TMEM132D: variants seen among roughly 807,000 people sequenced by gnomAD.
TMEM132D encodes transmembrane protein 132D, also known as mature OL transmembrane protein.
A neutral mutation model predicts 62.3 loss-of-function variants in TMEM132D; 21 were observed. The observed-to-expected ratio is 0.34, with a 90% CI of 0.24 to 0.49. TMEM132D has a LOEUF of 0.49. Ranked by LOEUF, TMEM132D falls within the 20% of genes least tolerant of loss-of-function variation. The pLI is 0.99. For synonymous variants in TMEM132D, 621 were observed against 575.6 expected (o/e 1.08, Z -1.13); for missense variants, 1,346 against 1,402.8 (o/e 0.96, Z 0.65).
chr12:129,700,648 G>A lies in TMEM132D; in HGVS notation c.130C>T (p.Pro44Ser), dbSNP rs2137227924. The A allele has an allele frequency of 6.2e-7, 1 of 1,613,808 alleles. No individual in the cohort carries two copies. Among genetic ancestry groups the A allele is most frequent in the Non-Finnish European group, 8.5e-7 (1 of 1,179,980 alleles). ...TGGTAGGTCACGGGGAGGTAGGTGG[G>A]CAGCAAGGAAAACCTCTGGATGCTC... is the stretch of plus-strand genomic sequence containing the variant. Reference protein sequence around the residue: ...LESIQRFSLLPTYLPVTYHIN... With the variant: ...LESIQRFSLLSTYLPVTYHIN... Residue 44 changes from proline (P) to serine (S), a missense_variant, in exon 2 of 9, where the codon CCC becomes TCC. Pro to Ser is a moderately conservative substitution (Grantham distance 74, BLOSUM62 -1). Coordinates refer to ENST00000422113, the MANE Select transcript of TMEM132D (RefSeq NM_133448.3).
chr12:129,660,819 T>C (rs1880220039), intron 2 of TMEM132D, among the ~76,000 whole-genome samples: 1 of 152,058 alleles, frequency 6.6e-6, no homozygotes, highest in Non-Finnish European at 1.5e-5. Flanking sequence ...CCATGACAGA[T>C]AGTTTCTATC....
At chr12:129,376,827 TAAAGAA>T (rs1465669794) in intron 3 of TMEM132D, among the ~76,000 whole-genome samples, 2 of 152,196 alleles carry the variant, frequency 1.3e-5, no homozygotes, top group African/African-American at 4.8e-5. Context: ...AAACGTGTGT[TAAAGAA>T]AAACAGAACT....
intron 2 of TMEM132D, among the ~76,000 whole-genome samples, chr12:129,687,067 A>G (rs1228398310): frequency 6.6e-6 from 1 of 152,158 alleles, no homozygotes; most frequent in Non-Finnish European, 1.5e-5. Flanking sequence ...GTTTATCTCA[A>G]ATTCCTTGCA....
At chr12:129,899,568 G>A (rs1400778329) in intron 1 of TMEM132D, among the ~76,000 whole-genome samples, 6 of 151,998 alleles carry the variant, frequency 3.9e-5, no homozygotes, top group Non-Finnish European at 7.4e-5. Flanking sequence ...GTGGAAAGAC[G>A]GATAACACCT....
At chr12:129,080,617 T>A (rs1874416451) in intron 7 of TMEM132D, among the ~76,000 whole-genome samples, 1 of 152,180 alleles carries the variant, frequency 6.6e-6, no homozygotes, top group South Asian at 2.1e-4. Flanking sequence ...ACCTCACAGA[T>A]TGCCTGATAA....
chr12:129,877,163 A>C (rs1874438870), intron 1 of TMEM132D, among the ~76,000 whole-genome samples: 2 of 149,402 alleles, frequency 1.3e-5, no homozygotes, highest in African/African-American at 4.9e-5. Flanking sequence ...TTTAACTATG[A>C]ATATTATATT....
chr12:129,544,812 G>GT (rs1237396253), intron 2 of TMEM132D, among the ~76,000 whole-genome samples: 3 of 152,220 alleles, frequency 2.0e-5, no homozygotes, highest in African/African-American at 7.2e-5. Flanking sequence ...GAGATTAAAA[G>GT]TAACACTTAT....
At chr12:129,184,642 T>C (rs1432319540) in intron 5 of TMEM132D, among the ~76,000 whole-genome samples, 3 of 152,224 alleles carry the variant, frequency 2.0e-5, no homozygotes, top group Non-Finnish European at 2.9e-5. Context: ...TCAGGCACAA[T>C]CCACTCTCAG....
At chr12:129,664,624 A>C (rs575088928) in intron 2 of TMEM132D, among the ~76,000 whole-genome samples, 1 of 151,962 alleles carries the variant, frequency 6.6e-6, no homozygotes, top group East Asian at 1.9e-4. Flanking sequence ...ACGGGGTTTC[A>C]CCGTGTTAGC....
intron 5 of TMEM132D, among the ~76,000 whole-genome samples, chr12:129,207,770 A>AT: frequency 8.0e-6 from 1 of 125,434 alleles, no homozygotes; most frequent in African/African-American, 3.1e-5. Context: ...TTTTTTATAT[A>AT]AAAAAAGTAT....
chr12:129,657,811 T>C (rs677945), intron 2 of TMEM132D, among the ~76,000 whole-genome samples: 36,929 of 152,126 alleles, frequency 0.24, 4,925 homozygotes, highest in African/African-American at 0.34. Context: ...TGAGAATGTT[T>C]AATTTTCTGA....
intron 3 of TMEM132D, among the ~76,000 whole-genome samples, chr12:129,340,554 G>A (rs563984427): frequency 9.2e-5 from 14 of 151,696 alleles, no homozygotes; most frequent in African/African-American, 2.7e-4. Context: ...GAGAACATGC[G>A]GTGTTTGGTT....
chr12:129,200,997 C>A (rs977642391), intron 5 of TMEM132D, among the ~76,000 whole-genome samples: 4 of 152,272 alleles, frequency 2.6e-5, no homozygotes, highest in Non-Finnish European at 4.4e-5. Flanking sequence ...CTTTATACAC[C>A]TGATTTCCAC....
At chr12:129,535,110 G>A (rs1876343348) in intron 2 of TMEM132D, among the ~76,000 whole-genome samples, 1 of 152,232 alleles carries the variant, frequency 6.6e-6, no homozygotes, top group African/African-American at 2.4e-5. Flanking sequence ...GTCATTTGGG[G>A]ATCAAGGCTG....
chr12:129,652,551 C>T (rs1252580069), intron 2 of TMEM132D, among the ~76,000 whole-genome samples: 1 of 152,128 alleles, frequency 6.6e-6, no homozygotes, highest in African/African-American at 2.4e-5. Flanking sequence ...AAGCTGGAGT[C>T]AGAGGGAGAT....
At chr12:129,558,403 A>G (rs1877120819) in intron 2 of TMEM132D, among the ~76,000 whole-genome samples, 2 of 152,154 alleles carry the variant, frequency 1.3e-5, no homozygotes, top group African/African-American at 4.8e-5. Flanking sequence ...AGAATATTTC[A>G]ATTAGAGAGT....
intron 1 of TMEM132D, among the ~76,000 whole-genome samples, chr12:129,830,135 A>G (rs1217953979): frequency 2.6e-5 from 4 of 152,158 alleles, no homozygotes. Context: ...GGCAATATCT[A>G]CTTCATTCAG....
intron 3 of TMEM132D, among the ~76,000 whole-genome samples, chr12:129,451,057 C>G (rs182806846): frequency 6.6e-6 from 1 of 152,072 alleles, no homozygotes. Context: ...CCACCGCGCC[C>G]GGCCAATTTT....
intron 5 of TMEM132D, among the ~76,000 whole-genome samples, chr12:129,206,751 A>T (rs1461229585): frequency 6.6e-6 from 1 of 152,218 alleles, no homozygotes; most frequent in Non-Finnish European, 1.5e-5. Flanking sequence ...GTACATATAC[A>T]CCATGGAATA....
Sources: gnomAD v4.1 joint callset for allele counts (sites outside exome capture counted in the v4.1 genomes callset) on GRCh38, gnomAD v4.1.1 for gene constraint, MANE v1.5 for transcripts, NCBI Gene and HGNC (gene_info 2026-07-23, HGNC 2026-07-21) for gene names.